Variants in FOXP1 observed in about 807,000 individuals in gnomAD.
The protein encoded by FOXP1 is forkhead box protein P1.
A neutral mutation model predicts 98.2 loss-of-function variants in FOXP1; 15 were observed. The observed-to-expected ratio is 0.15, with a 90% CI of 0.10 to 0.24. The LOEUF (loss-of-function observed/expected upper bound fraction) is 0.24, where lower values mean the gene tolerates loss of function less well. FOXP1 is among the 10% of genes least tolerant of loss of function. FOXP1 has a pLI of 1.00. For synonymous variants in FOXP1, 371 were observed against 314.5 expected (o/e 1.18, Z -1.90); for missense variants, 633 against 848.5 (o/e 0.75, Z 3.15).
chr3:71,035,263 G>T (rs2047428577), intron 11 of FOXP1, among the ~76,000 whole-genome samples: 1 of 152,198 alleles, frequency 6.6e-6, no homozygotes, highest in South Asian at 2.1e-4. Flanking sequence ...GAAAGTCCAG[G>T]TTTCAGAAGA....
At chr3:71,561,502 G>T (rs1460400094) in intron 2 of FOXP1, among the ~76,000 whole-genome samples, 1 of 151,578 alleles carries the variant, frequency 6.6e-6, no homozygotes, top group Non-Finnish European at 1.5e-5. Context: ...AGATGAAATA[G>T]GAAAAGATCG....
chr3:71,242,829 G>A (rs1359084480), intron 5 of FOXP1, among the ~76,000 whole-genome samples: 1 of 149,690 alleles, frequency 6.7e-6, no homozygotes, highest in African/African-American at 2.4e-5. Context: ...TATTAAAATC[G>A]TATTATCTAA....
chr3:71,583,428 T>TG, intron 1 of FOXP1, 143 bp downstream of exon 1: 13 of 962,030 alleles, frequency 1.4e-5, no homozygotes, highest in Non-Finnish European at 1.5e-5. Context: ...AAGTAGTTGT[T>TG]TTTTTTTTTC....
chr3:71,398,700 G>A (rs1007078756), intron 3 of FOXP1, among the ~76,000 whole-genome samples: 1 of 152,056 alleles, frequency 6.6e-6, no homozygotes, highest in Non-Finnish European at 1.5e-5. Context: ...ATAAATCACT[G>A]CACTTTGTCT....
At chr3:71,426,143 G>C (rs1276063594) in intron 3 of FOXP1, among the ~76,000 whole-genome samples, 1 of 152,142 alleles carries the variant, frequency 6.6e-6, no homozygotes, top group African/African-American at 2.4e-5. Context: ...CTAGAAAACA[G>C]GGCACTCTGG....
intron 6 of FOXP1, among the ~76,000 whole-genome samples, chr3:71,197,096 A>C (rs1052867207): frequency 3.3e-5 from 5 of 152,204 alleles, no homozygotes; most frequent in African/African-American, 1.2e-4. Context: ...TCCAAGTTGC[A>C]TCCCAAACAA....
chr3:71,009,466 C>A (rs1385326595), intron 12 of FOXP1, among the ~76,000 whole-genome samples: 1 of 151,998 alleles, frequency 6.6e-6, no homozygotes, highest in African/African-American at 2.4e-5. Context: ...TACTGTCTAC[C>A]CCTTTATGGA....
At chr3:71,270,595 T>C (rs6784514) in intron 5 of FOXP1, among the ~76,000 whole-genome samples, 27,805 of 152,144 alleles carry the variant, frequency 0.18, 3,768 homozygotes, top group East Asian at 0.45. Flanking sequence ...TTTAAGTGAA[T>C]GAAAATTTCG....
intron 2 of FOXP1, among the ~76,000 whole-genome samples, chr3:71,541,129 C>A (rs930456084): frequency 2.6e-5 from 4 of 152,164 alleles, no homozygotes; most frequent in African/African-American, 9.7e-5. Flanking sequence ...AAGGCCATTG[C>A]CAAGTCTAGG....
At chr3:70,971,019 A>T in intron 18 of FOXP1, 2 of 552,476 alleles carry the variant, frequency 3.6e-6, no homozygotes, top group South Asian at 3.9e-5. Flanking sequence ...CAAGGAAACT[A>T]GGTGTAAAAT....
At chr3:71,361,151 A>G (rs2078536139) in intron 3 of FOXP1, among the ~76,000 whole-genome samples, 1 of 152,166 alleles carries the variant, frequency 6.6e-6, no homozygotes, top group African/African-American at 2.4e-5. Flanking sequence ...TTTTAAGATA[A>G]TTTCAGTTGG....
chr3:71,053,854 C>G, intron 7 of FOXP1, 81 bp from the exon 8 acceptor site: 1 of 1,523,516 alleles, frequency 6.6e-7, no homozygotes. Context: ...TGACTGCCAT[C>G]AGCCTGCTTA....
At chr3:71,582,000 C>T (rs931135016) in intron 1 of FOXP1, 1 of 962,648 alleles carries the variant, frequency 1.0e-6, no homozygotes, top group Middle Eastern at 5.3e-4. Context: ...GATGGGGATA[C>T]GATCACGGGC....
At chr3:71,447,586 C>G (rs1159745564) in intron 3 of FOXP1, among the ~76,000 whole-genome samples, 1 of 152,194 alleles carries the variant, frequency 6.6e-6, no homozygotes, top group Non-Finnish European at 1.5e-5. Flanking sequence ...CAGACAGAAA[C>G]TGAGAGGACC....
At chr3:71,481,010 G>A (rs897999145) in intron 3 of FOXP1, among the ~76,000 whole-genome samples, 8 of 152,244 alleles carry the variant, frequency 5.3e-5, no homozygotes, top group African/African-American at 1.9e-4. Context: ...AGCACAGAAT[G>A]TCTGTCTTTG....
chr3:71,298,908 C>T (rs2073601676), intron 5 of FOXP1, among the ~76,000 whole-genome samples: 1 of 152,170 alleles, frequency 6.6e-6, no homozygotes. Context: ...TGAGCAAAGG[C>T]TTTGTTCAAC....
At chr3:71,077,812 A>C (rs1229238383) in intron 7 of FOXP1, among the ~76,000 whole-genome samples, 1 of 151,580 alleles carries the variant, frequency 6.6e-6, no homozygotes, top group Non-Finnish European at 1.5e-5. Context: ...CCTCCTAAGA[A>C]GCATTTATGT....
chr3:70,985,007 A>C (rs1026577870), intron 14 of FOXP1, among the ~76,000 whole-genome samples: 3 of 152,228 alleles, frequency 2.0e-5, no homozygotes, highest in Non-Finnish European at 4.4e-5. Flanking sequence ...AATGACACTT[A>C]ACACCCAAAT....
chr3:71,273,938 C>A (rs1478196834), intron 5 of FOXP1, among the ~76,000 whole-genome samples: 1 of 152,202 alleles, frequency 6.6e-6, no homozygotes, highest in Non-Finnish European at 1.5e-5. Flanking sequence ...TGCTCATGCT[C>A]TTCTCAGACT....
Sources: allele counts gnomAD v4.1 joint callset (sites outside exome capture counted in the v4.1 genomes callset), GRCh38; gene constraint gnomAD v4.1.1; transcripts MANE v1.5; gene names NCBI Gene and HGNC (gene_info 2026-07-23, HGNC 2026-07-21).